Variants in MAP3K13 observed in about 807,000 individuals in gnomAD.
MAP3K13 encodes leucine zipper-bearing kinase.
Under a neutral mutation model 104.0 loss-of-function variants are expected in MAP3K13, and 52 were observed. The ratio of observed to expected loss-of-function variants is 0.50; its 90% confidence interval spans 0.40 to 0.63. MAP3K13 has a LOEUF of 0.63. MAP3K13 is among the 20% of genes least tolerant of loss of function. MAP3K13 has a pLI of 0.00. For missense variants in MAP3K13, 914 were observed against 1,218.5 expected (o/e 0.75, Z 3.72); for synonymous variants, 394 against 442.2 (o/e 0.89, Z 1.37).
At chr3:185,364,840 T>C (rs1419940162) in intron 1 of MAP3K13, among the ~76,000 whole-genome samples, 1 of 152,208 alleles carries the variant, frequency 6.6e-6, no homozygotes. Flanking sequence ...GTTTAACAAA[T>C]GAGATAACAT....
intron 7 of MAP3K13, 124 bp from the exon 8 acceptor site, chr3:185,463,426 T>C (rs900633333): frequency 1.5e-5 from 9 of 603,636 alleles, no homozygotes; most frequent in African/African-American, 1.5e-4. Context: ...TTATTGAACA[T>C]CTATTCTGAA....
At chr3:185,477,137 T>C in intron 11 of MAP3K13, 189 bp from the exon 12 acceptor site, 1 of 685,154 alleles carries the variant, frequency 1.5e-6, no homozygotes, top group South Asian at 1.5e-5. Flanking sequence ...AGGCCCGCCA[T>C]CATAGGTACC....
Position 185,416,819 on chromosome 3 carries a change from C to T in MAP3K13, c.-85-11678C>T, listed in dbSNP as rs1443615669. 3.3e-5 allele frequency among the ~76,000 whole-genome samples: 5 copies of T among 150,056 alleles called. No homozygotes were observed. The East Asian group carries it at 9.8e-4, about 29-fold the overall frequency. ...TTTTTTTTTTGTAGTAACAGGGTCTCACTGTGTTGCCCAGGCTGGTCTTGA... is the reference window on the plus strand; with the variant it reads ...TTTTTTTTTTGTAGTAACAGGGTCTTACTGTGTTGCCCAGGCTGGTCTTGA... On this transcript the variant is annotated intron_variant, in intron 1 of 13. Coordinates refer to ENST00000265026, the MANE Select transcript of MAP3K13 (RefSeq NM_004721.5).
chr3:185,411,604 G>T (rs1713449688), intron 1 of MAP3K13, among the ~76,000 whole-genome samples: 1 of 152,048 alleles, frequency 6.6e-6, no homozygotes, highest in Non-Finnish European at 1.5e-5. Context: ...ATTTCAGAAG[G>T]ATTCTTCATT....
At chr3:185,325,922 T>G (rs1319169786) in intron 2 of MAP3K13, among the ~76,000 whole-genome samples, 1 of 152,236 alleles carries the variant, frequency 6.6e-6, no homozygotes, top group African/African-American at 2.4e-5. Context: ...ACCTTTACAT[T>G]GGCTGTTCCT....
In MAP3K13 at chr3:185,447,797, T is replaced by C. The variant is rs769988384; in HGVS notation, c.860T>C (p.Val287Ala). Reference protein sequence around the residue: ...HRDLKSPNVLVTHTDAVKISD... With the variant: ...HRDLKSPNVLATHTDAVKISD... Reference sequence around the variant, plus strand: ...TTTATTTCTTTTTAAAGTGTTTTAGTGACCCACACAGATGCGGTAAAAATT... The same window carrying C: ...TTTATTTCTTTTTAAAGTGTTTTAGCGACCCACACAGATGCGGTAAAAATT... Residue 287 changes from valine (V) to alanine (A), a missense_variant, in exon 5 of 14, where the codon GTG (valine) becomes GCG (alanine). Physicochemically the swap from Val to Ala is moderately conservative, Grantham distance 64. Transcript: ENST00000265026. 1 of 1,601,228 alleles carries C rather than the reference T, an allele frequency of 6.2e-7. No individual in the cohort carries two copies. The highest frequency in any genetic ancestry group is 8.5e-7 in the Non-Finnish European group (1 of 1,175,882).
At chr3:185,373,469 C>T (rs1724256309) in intron 1 of MAP3K13, among the ~76,000 whole-genome samples, 1 of 152,076 alleles carries the variant, frequency 6.6e-6, no homozygotes, top group Admixed American at 6.6e-5. Flanking sequence ...TGAGGAAACC[C>T]CGACTCTGCT....
In MAP3K13 at chr3:185,485,225, G is replaced by C. The variant is rs928750458; in HGVS notation, c.*2769G>C. 3.3e-5 allele frequency: 5 copies of C among 152,172 alleles called. No homozygotes were observed. Among genetic ancestry groups the C allele is most frequent in the Non-Finnish European group, 7.3e-5 (5 of 68,028 alleles). 9.4% of individuals were successfully genotyped at this position (152,172 alleles called of 1,614,324 possible). A position where few individuals can be genotyped will look rare whatever the true frequency, so the allele number is the denominator to read the frequency against. On this transcript the variant is annotated 3_prime_UTR_variant, in exon 14 of 14. Transcript: ENST00000265026. Reference sequence around the variant, plus strand: ...CAGACCTAGAGGGTTTCCGCACAGGGCTCATGGATTCGTTTCAAGAATTGA... The same window carrying C: ...CAGACCTAGAGGGTTTCCGCACAGGCCTCATGGATTCGTTTCAAGAATTGA...
rs1402690334 is a variant in MAP3K13 at position 185,466,944 on chromosome 3, T to C, written c.1624T>C (p.Ser542Pro). The change falls in exon 10 of 14, where the codon TCT becomes CCT. Residue 542 changes from serine to proline, a missense_variant. By Grantham distance (74) the Ser-to-Pro change is moderately conservative. Coordinates refer to ENST00000265026, the MANE Select transcript of MAP3K13 (RefSeq NM_004721.5). ...LMKRKGVPHK[S>P]GMQTKRPDLL... ...GAAAAGGAAAGGAGTGCCTCACAAA[T>C]CTGGGATGCAGACCAAACGGTGAGA... is the stretch of plus-strand genomic sequence containing the variant. 5 of 1,613,796 alleles carry C rather than the reference T, an allele frequency of 3.1e-6. No individual in the cohort carries two copies. In the South Asian group the frequency reaches 5.5e-5, roughly 18 times the overall value.
intron 7 of MAP3K13, among the ~76,000 whole-genome samples, chr3:185,455,522 G>GAGATATATGAC (rs1250218084): frequency 6.1e-5 from 2 of 32,566 alleles, no homozygotes; most frequent in African/African-American, 1.5e-4. Context: ...AGATATATAT[G>GAGATATATGAC]ATATATATGA....
chr3:185,317,636 T>C (rs1322279658), intron 2 of MAP3K13, among the ~76,000 whole-genome samples: 2 of 152,170 alleles, frequency 1.3e-5, no homozygotes, highest in Admixed American at 1.3e-4. Context: ...TTGAATAACT[T>C]AAAGCCATAT....
chr3:185,451,305 C>T lies in MAP3K13; in HGVS notation c.1188C>T (p.Asn396=), dbSNP rs772237849. The T allele has an allele frequency of 6.2e-7, 1 of 1,612,684 alleles. No individual in the cohort carries two copies. The highest frequency in any genetic ancestry group is 1.1e-5 in the South Asian group (1 of 90,756). Residue 396 remains asparagine (N), a synonymous_variant, in exon 7 of 14, where the codon AAC becomes AAT. Transcript: ENST00000265026. ...CTTTTAGGCAGAGTAAACCTCGAAACCGACCTTCTTTTCGGCAGACACTCA... is the reference window on the plus strand; with the variant it reads ...CTTTTAGGCAGAGTAAACCTCGAAATCGACCTTCTTTTCGGCAGACACTCA... The part of the protein sequence containing the change: ...MKQTWQSKPR[N]RPSFRQTLMH...
chr3:185,384,339 A>T (rs11720992), intron 1 of MAP3K13, among the ~76,000 whole-genome samples: 48,910 of 124,422 alleles, frequency 0.39, 7,996 homozygotes, highest in East Asian at 0.45. Flanking sequence ...TGTGTGTGTG[A>T]GACACATTGT....
chr3:185,316,848 G>A (rs1721696123), intron 2 of MAP3K13, among the ~76,000 whole-genome samples: 1 of 152,150 alleles, frequency 6.6e-6, no homozygotes, highest in Admixed American at 6.5e-5. Flanking sequence ...GGAGACGATA[G>A]GGATAGGAAA....
At chr3:185,367,876 G>A (rs1028659378) in intron 1 of MAP3K13, among the ~76,000 whole-genome samples, 22 of 152,202 alleles carry the variant, frequency 1.4e-4, no homozygotes, top group Admixed American at 8.5e-4. Flanking sequence ...AATTACAGAC[G>A]TGAGCCACTG....
At chr3:185,368,682 T>G (rs1724007150) in intron 1 of MAP3K13, among the ~76,000 whole-genome samples, 1 of 151,774 alleles carries the variant, frequency 6.6e-6, no homozygotes, top group Non-Finnish European at 1.5e-5. Flanking sequence ...AACTTTCAGG[T>G]GCGGTGGCTC....
intron 2 of MAP3K13, among the ~76,000 whole-genome samples, chr3:185,332,300 A>G (rs1180638803): frequency 6.6e-6 from 1 of 151,972 alleles, no homozygotes; most frequent in Non-Finnish European, 1.5e-5. Flanking sequence ...GATTTTTGCC[A>G]GTTTGATAGG....
intron 2 of MAP3K13, among the ~76,000 whole-genome samples, chr3:185,332,916 AT>A (rs1200056341): frequency 2.0e-5 from 3 of 152,160 alleles, no homozygotes; most frequent in Non-Finnish European, 4.4e-5. Flanking sequence ...CAGCAATGGG[AT>A]TGTTGGATCA....
At chr3:185,421,018 A>G (rs994824438) in intron 1 of MAP3K13, among the ~76,000 whole-genome samples, 1 of 152,208 alleles carries the variant, frequency 6.6e-6, no homozygotes, top group South Asian at 2.1e-4. Context: ...CTCAGAAGGT[A>G]GGGAAAGTGT....
Sources: allele counts gnomAD v4.1 joint callset (sites outside exome capture counted in the v4.1 genomes callset), GRCh38; gene constraint gnomAD v4.1.1; transcripts MANE v1.5; gene names NCBI Gene and HGNC (gene_info 2026-07-23, HGNC 2026-07-21).